The following CCSER1 variants were observed in gnomAD, a reference collection of about 807,000 sequenced individuals.
CCSER1 encodes the protein serine-rich coiled-coil domain-containing protein 1.
In CCSER1, 41 loss-of-function variants were observed where a neutral mutation model predicts 82.0. The ratio of observed to expected loss-of-function variants is 0.50; its 90% confidence interval spans 0.39 to 0.65. The LOEUF is 0.65. Among genes scored for constraint, CCSER1 ranks in the 30% least tolerant of loss-of-function variants. CCSER1 has a pLI of 0.00. For synonymous variants in CCSER1, 414 were observed against 383.9 expected (o/e 1.08, Z -0.92); for missense variants, 1,119 against 1,064.2 (o/e 1.05, Z -0.72).
At chr4:91,403,626 T>C (rs1752486517) in intron 10 of CCSER1, among the ~76,000 whole-genome samples, 1 of 152,056 alleles carries the variant, frequency 6.6e-6, no homozygotes, top group South Asian at 2.1e-4. Flanking sequence ...TATTGTTGAA[T>C]GCCTTTTCTG....
chr4:90,391,483 T>C (rs992419343), intron 3 of CCSER1, among the ~76,000 whole-genome samples: 1,379 of 84,770 alleles, frequency 0.016, 28 homozygotes, highest in African/African-American at 0.048. Context: ...TATATATATA[T>C]ATACACACAC....
intron 9 of CCSER1, among the ~76,000 whole-genome samples, chr4:91,027,793 T>C (rs1740622921): frequency 6.6e-6 from 1 of 152,102 alleles, no homozygotes; most frequent in Admixed American, 6.6e-5. Flanking sequence ...TCTTTAGTGA[T>C]TGGACCTGTG....
intron 10 of CCSER1, among the ~76,000 whole-genome samples, chr4:91,446,947 A>C (rs142202689): frequency 1.3e-5 from 2 of 151,986 alleles, no homozygotes; most frequent in East Asian, 3.9e-4. Context: ...GTGAATGGAG[A>C]TGGAGTGTTA....
chr4:90,943,687 C>T (rs887717628), intron 9 of CCSER1, among the ~76,000 whole-genome samples: 28 of 149,014 alleles, frequency 1.9e-4, no homozygotes, highest in African/African-American at 6.1e-4. Flanking sequence ...CTCAGCCTCC[C>T]GAGTAGCTGG....
intron 5 of CCSER1, among the ~76,000 whole-genome samples, chr4:90,566,666 A>G (rs1404374086): frequency 2.7e-5 from 4 of 150,580 alleles, no homozygotes; most frequent in Non-Finnish European, 4.4e-5. Context: ...GCAGTGGCGC[A>G]ATCTCGGCTC....
intron 9 of CCSER1, among the ~76,000 whole-genome samples, chr4:91,027,320 C>T (rs1417822845): frequency 2.0e-5 from 3 of 151,868 alleles, no homozygotes; most frequent in Non-Finnish European, 4.4e-5. Flanking sequence ...GAGATAATCA[C>T]ATAAGTAATG....
intron 9 of CCSER1, among the ~76,000 whole-genome samples, chr4:91,050,124 T>C (rs1742865144): frequency 6.6e-6 from 1 of 152,144 alleles, no homozygotes; most frequent in Admixed American, 6.5e-5. Context: ...ATGTATACAA[T>C]TGAAAATTAA....
intron 10 of CCSER1, among the ~76,000 whole-genome samples, chr4:91,165,991 A>C (rs1188902244): frequency 6.6e-6 from 1 of 152,240 alleles, no homozygotes; most frequent in Non-Finnish European, 1.5e-5. Flanking sequence ...TAGGAAATGC[A>C]GAAATCACCG....
chr4:91,522,787 G>T (rs1026234314), intron 10 of CCSER1, among the ~76,000 whole-genome samples: 5 of 152,226 alleles, frequency 3.3e-5, no homozygotes, highest in African/African-American at 4.8e-5. Flanking sequence ...AGCTGATGGG[G>T]TTTTCTAAAT....
chr4:90,973,855 C>A (rs10004466), intron 9 of CCSER1, among the ~76,000 whole-genome samples: 129,936 of 151,504 alleles, frequency 0.86, 56,045 homozygotes, highest in Non-Finnish European at 0.89. Context: ...ACTCCAGTGG[C>A]ATATCATTCA....
intron 10 of CCSER1, among the ~76,000 whole-genome samples, chr4:91,117,426 G>A (rs942458600): frequency 6.6e-6 from 1 of 152,090 alleles, no homozygotes; most frequent in African/African-American, 2.4e-5. Context: ...CCTATGTCAG[G>A]GTTATTGTAG....
chr4:91,112,281 T>C (rs116822025), intron 10 of CCSER1, among the ~76,000 whole-genome samples: 189 of 152,210 alleles, frequency 1.2e-3, no homozygotes, highest in African/African-American at 4.3e-3. Flanking sequence ...GGCCTTCCTT[T>C]TTTGACACTT....
chr4:90,495,419 C>G (rs77886422), intron 5 of CCSER1, among the ~76,000 whole-genome samples: 2,454 of 152,202 alleles, frequency 0.016, 39 homozygotes, highest in African/African-American at 0.047. Context: ...TGCCTACTTA[C>G]TTTAGAAATG....
intron 9 of CCSER1, among the ~76,000 whole-genome samples, chr4:90,995,634 T>C (rs528464516): frequency 2.2e-4 from 34 of 152,234 alleles, no homozygotes; most frequent in African/African-American, 7.9e-4. Flanking sequence ...TATTACAAAA[T>C]TTTTTAAAGT....
chr4:91,175,400 T>A (rs934442784), intron 10 of CCSER1, among the ~76,000 whole-genome samples: 10 of 152,354 alleles, frequency 6.6e-5, no homozygotes, highest in Non-Finnish European at 1.3e-4. Flanking sequence ...ATCGCCACAC[T>A]GCCTTCCACA....
At chr4:90,470,246 G>C (rs1258759669) in intron 5 of CCSER1, among the ~76,000 whole-genome samples, 2 of 152,026 alleles carry the variant, frequency 1.3e-5, no homozygotes, top group Non-Finnish European at 2.9e-5. Context: ...AGCAGACCTG[G>C]AAGGTATATA....
chr4:90,815,394 C>T (rs1488075294), intron 7 of CCSER1, among the ~76,000 whole-genome samples: 2 of 152,136 alleles, frequency 1.3e-5, no homozygotes, highest in African/African-American at 4.8e-5. Context: ...TTCTGTTCTA[C>T]TTACTATGTA....
intron 9 of CCSER1, among the ~76,000 whole-genome samples, chr4:90,928,719 C>T (rs913237206): frequency 2.0e-5 from 3 of 151,958 alleles, no homozygotes; most frequent in Admixed American, 2.0e-4. Flanking sequence ...AGGTGAAAAT[C>T]GTGTTTAATC....
chr4:91,461,765 T>C (rs559626343), intron 10 of CCSER1, among the ~76,000 whole-genome samples: 16 of 152,342 alleles, frequency 1.1e-4, no homozygotes, highest in African/African-American at 3.8e-4. Flanking sequence ...AGCACAGTAA[T>C]GTTCAAAAGG....
Sources: gnomAD v4.1 joint callset for allele counts (sites outside exome capture counted in the v4.1 genomes callset) on GRCh38, gnomAD v4.1.1 for gene constraint, MANE v1.5 for transcripts, NCBI Gene and HGNC (gene_info 2026-07-23, HGNC 2026-07-21) for gene names.